The following RAB27A variants were observed in gnomAD, a reference collection of about 807,000 sequenced individuals.
RAB27A encodes RAB27A, member RAS oncogene family.
RAB27A carries 17 observed loss-of-function variants against 20.8 expected under a neutral mutation model. That is an observed-to-expected ratio of 0.82 (90% CI 0.56 to 1.23). The LOEUF (loss-of-function observed/expected upper bound fraction) is 1.23, where lower values mean the gene tolerates loss of function less well. Among genes scored for constraint, RAB27A ranks in the 50% most tolerant of loss-of-function variants. RAB27A has a pLI of 0.00. For synonymous variants in RAB27A, 85 were observed against 92.8 expected (o/e 0.92, Z 0.48); for missense variants, 277 against 266.7 (o/e 1.04, Z -0.27).
At chr15:55,279,168 C>T (rs1289828131) in intron 1 of RAB27A, among the ~76,000 whole-genome samples, 2 of 152,142 alleles carry the variant, frequency 1.3e-5, no homozygotes, top group African/African-American at 4.8e-5. Flanking sequence ...GCAGATAAGA[C>T]TCTTAATAAA....
At chr15:55,306,198 G>T (rs2054996276) in intron 2 of RAB27A, among the ~76,000 whole-genome samples, 1 of 152,176 alleles carries the variant, frequency 6.6e-6, no homozygotes, top group Non-Finnish European at 1.5e-5. Flanking sequence ...TGAGGTATGG[G>T]TTATTTCCAG....
chr15:55,208,704 C>CAATGGTCAAA (rs1894772345), intron 6 of RAB27A, among the ~76,000 whole-genome samples: 1 of 152,230 alleles, frequency 6.6e-6, no homozygotes, highest in Non-Finnish European at 1.5e-5. Context: ...AAAACTGTAT[C>CAATGGTCAAA]ACATGCCAAT....
At chr15:55,296,874 T>C (rs1184462107) in intron 2 of RAB27A, among the ~76,000 whole-genome samples, 2 of 152,088 alleles carry the variant, frequency 1.3e-5, no homozygotes, top group African/African-American at 4.8e-5. Context: ...CCTTCCACCC[T>C]GGCAGAAACC....
At chr15:55,262,075 G>A (rs573466019) in intron 2 of RAB27A, among the ~76,000 whole-genome samples, 1 of 150,340 alleles carries the variant, frequency 6.7e-6, no homozygotes, top group Non-Finnish European at 1.5e-5. Context: ...CTCTTTTCAT[G>A]AAGATATTGT....
At chr15:55,314,934 A>T (rs1465325540) in intron 1 of RAB27A, among the ~76,000 whole-genome samples, 2 of 152,208 alleles carry the variant, frequency 1.3e-5, no homozygotes, top group Non-Finnish European at 2.9e-5. Flanking sequence ...TGTAGAACCA[A>T]AAAAGAGCCC....
chr15:55,303,193 C>T (rs1159949500), intron 2 of RAB27A, among the ~76,000 whole-genome samples: 1 of 104,224 alleles, frequency 9.6e-6, no homozygotes, highest in East Asian at 4.9e-4. Context: ...CGCCTCTGCC[C>T]GGCCGCCCCT....
At chr15:55,285,799 C>A (rs1171163094) in intron 1 of RAB27A, among the ~76,000 whole-genome samples, 1 of 152,182 alleles carries the variant, frequency 6.6e-6, no homozygotes, top group East Asian at 1.9e-4. Flanking sequence ...TTTCCATTTT[C>A]TCAAATTTCC....
At chr15:55,265,426 G>A (rs540229642) in intron 2 of RAB27A, among the ~76,000 whole-genome samples, 1 of 152,194 alleles carries the variant, frequency 6.6e-6, no homozygotes, top group Admixed American at 6.5e-5. Flanking sequence ...TGAGTGTACA[G>A]GCACACATAA....
rs546329716 is a variant in RAB27A, at chr15:55,268,101, T to A, written c.-23+2064A>T. Among the ~76,000 whole-genome samples the A allele has an allele frequency of 1.2e-4, 19 of 152,184 alleles. 1 individual carries two copies. The South Asian group carries it at 2.1e-3, about 17-fold the overall frequency. Reference sequence around the variant, plus strand: ...TTGGAATGTATTAAATCCAACTTCATTCTATGGATAAAATGCCCTCATGAA... The same window carrying A: ...TTGGAATGTATTAAATCCAACTTCAATCTATGGATAAAATGCCCTCATGAA... On this transcript the variant is annotated intron_variant, in intron 2 of 6. Transcript: ENST00000336787.
chr15:55,253,915 C>A (rs1896988370), intron 2 of RAB27A, among the ~76,000 whole-genome samples: 1 of 152,132 alleles, frequency 6.6e-6, no homozygotes, highest in South Asian at 2.1e-4. Context: ...GTGTTTATAA[C>A]ATGGATAATT....
chr15:55,300,737 G>T (rs2054968364), intron 2 of RAB27A, among the ~76,000 whole-genome samples: 1 of 152,098 alleles, frequency 6.6e-6, no homozygotes, highest in Admixed American at 6.6e-5. Flanking sequence ...ATAAAGGCAG[G>T]GGGCGAGGGC....
At chr15:55,250,812 C>A (rs1896860972) in intron 2 of RAB27A, among the ~76,000 whole-genome samples, 1 of 152,194 alleles carries the variant, frequency 6.6e-6, no homozygotes, top group South Asian at 2.1e-4. Context: ...TTGCAACAAA[C>A]CTTTCATTGC....
chr15:55,223,656 C>T (rs1476591038), intron 6 of RAB27A, among the ~76,000 whole-genome samples: 1 of 152,170 alleles, frequency 6.6e-6, no homozygotes. Flanking sequence ...TGTCTCTCTG[C>T]AAATGCCAAG....
chr15:55,273,105 C>G (rs971997933), intron 1 of RAB27A, among the ~76,000 whole-genome samples: 1 of 152,160 alleles, frequency 6.6e-6, no homozygotes, highest in Admixed American at 6.5e-5. Flanking sequence ...GTATTACATT[C>G]TCCAACTGAA....
chr15:55,217,451 A>C (rs1895358662), intron 6 of RAB27A, among the ~76,000 whole-genome samples: 1 of 151,904 alleles, frequency 6.6e-6, no homozygotes, highest in African/African-American at 2.4e-5. Flanking sequence ...CTTGAGGCCA[A>C]AAGTTCAGGA....
chr15:55,263,845 T>C (rs1468974020), intron 2 of RAB27A, among the ~76,000 whole-genome samples: 2 of 152,240 alleles, frequency 1.3e-5, no homozygotes, highest in Non-Finnish European at 2.9e-5. Flanking sequence ...TGAGGAACGA[T>C]GTTAGAGTAA....
At chr15:55,290,604 C>T, upstream of RAB27A, among the ~76,000 whole-genome samples, 1 of 152,216 alleles carries the variant, frequency 6.6e-6, no homozygotes, top group Non-Finnish European at 1.5e-5. Flanking sequence ...TCGGAAGAAA[C>T]CTGCGCGCCT....
chr15:55,214,261 C>A (rs966718970), intron 6 of RAB27A, among the ~76,000 whole-genome samples: 38 of 152,128 alleles, frequency 2.5e-4, no homozygotes, highest in African/African-American at 8.9e-4. Context: ...ATGGTGAAAC[C>A]CCGTCTCTAC....
intron 1 of RAB27A, among the ~76,000 whole-genome samples, chr15:55,284,298 T>C (rs542599798): frequency 1.1e-4 from 16 of 152,190 alleles, no homozygotes; most frequent in Non-Finnish European, 2.4e-4. Flanking sequence ...TCCATATTTA[T>C]TGTACCAAAA....
Sources: allele counts gnomAD v4.1 joint callset (sites outside exome capture counted in the v4.1 genomes callset), GRCh38; gene constraint gnomAD v4.1.1; transcripts MANE v1.5; gene names NCBI Gene and HGNC (gene_info 2026-07-23, HGNC 2026-07-21).